Variants in ADAMTS16 observed in about 807,000 individuals in gnomAD.
The protein encoded by ADAMTS16 is A disintegrin and metalloproteinase with thrombospondin motifs 16.
A neutral mutation model predicts 145.8 loss-of-function variants in ADAMTS16; 94 were observed. The observed-to-expected ratio is 0.64, with a 90% CI of 0.55 to 0.77. The LOEUF (loss-of-function observed/expected upper bound fraction) is 0.77. Ranked by LOEUF, ADAMTS16 falls within the 30% of genes least tolerant of loss-of-function variation. The pLI is 0.00. For missense variants in ADAMTS16, 1,585 were observed against 1,591.5 expected, an observed-to-expected ratio of 1.00 and a Z score of 0.07; for synonymous variants, 659 against 604.3, an observed-to-expected ratio of 1.09 and a Z score of -1.33.
Position 5,140,721 on chromosome 5 carries a change from C to T in ADAMTS16, c.130C>T (p.Arg44Cys). The change falls in exon 2 of 23, where the codon CGT becomes TGT. Residue 44 changes from arginine to cysteine, a missense_variant. Physicochemically the swap from Arg to Cys is radical, Grantham distance 180. Around this residue, in one of 3 missense-constraint regions of ADAMTS16, gnomAD observed 453 missense variants for 412.1 expected, o/e 1.10. Transcript: ENST00000274181. ...AGCGCCTGGGAGCCCGAGCGTCCCG[C>T]GTCCTCCTCCACCCGCGGAGCGGCC... ...AAAPGSPSVP[R>C]PPPPAERPGW... is the part of the protein sequence containing the mutation. 6.4e-7 allele frequency: 1 copy of T among 1,570,564 alleles called. No homozygotes were observed. Among genetic ancestry groups the T allele is most frequent in the Non-Finnish European group, 8.6e-7 (1 of 1,159,764 alleles).
chr5:5,311,314 A>AC (rs1561005041), intron 21 of ADAMTS16, among the ~76,000 whole-genome samples: 12 of 99,138 alleles, frequency 1.2e-4, no homozygotes, highest in African/African-American at 4.5e-4. Flanking sequence ...AAAAAAAAAA[A>AC]AAACAAAAAA....
At chr5:5,289,479 C>T (rs185159889) in intron 18 of ADAMTS16, among the ~76,000 whole-genome samples, 131 of 152,328 alleles carry the variant, frequency 8.6e-4, no homozygotes, top group African/African-American at 2.7e-3. Flanking sequence ...ACAATGGGGT[C>T]ATTTGTCCTA....
At chr5:5,201,355 A>G (rs7446022) in intron 9 of ADAMTS16, among the ~76,000 whole-genome samples, 1 of 152,120 alleles carries the variant, frequency 6.6e-6, no homozygotes, top group Non-Finnish European at 1.5e-5. Context: ...AAATAAAAAT[A>G]TTTTTAAAAA....
chr5:5,283,992 C>A (rs1056437600), intron 18 of ADAMTS16, among the ~76,000 whole-genome samples: 4 of 152,076 alleles, frequency 2.6e-5, no homozygotes, highest in Admixed American at 6.6e-5. Context: ...CAAAAGATGT[C>A]TTATATTGTT....
Position 5,201,470 on chromosome 5 carries a change from A to G in ADAMTS16, c.1451+1201A>G, listed in dbSNP as rs914458450. On this transcript the variant is annotated intron_variant, in intron 9 of 22. Transcript: ENST00000274181. ...TTGTGATAGGAAAGTTTGAAATTTG[A>G]CAAGAAGAATTATATTTCTATTATT... 7.3e-5 allele frequency among the ~76,000 whole-genome samples: 5 copies of G among 68,890 alleles called. No homozygotes were observed. The East Asian group carries it at 3.0e-3, about 42-fold the overall frequency. 45.2% of individuals were successfully genotyped at this position (68,890 alleles called of 152,430 possible).
chr5:5,241,210 T>A (rs1737281304), intron 16 of ADAMTS16, among the ~76,000 whole-genome samples: 1 of 152,190 alleles, frequency 6.6e-6, no homozygotes, highest in Admixed American at 6.5e-5. Context: ...GCCTGTCAGG[T>A]GCAGGCATGG....
At chr5:5,280,114 T>A (rs1738847823) in intron 18 of ADAMTS16, among the ~76,000 whole-genome samples, 1 of 152,178 alleles carries the variant, frequency 6.6e-6, no homozygotes, top group African/African-American at 2.4e-5. Context: ...TTTGTGTGTG[T>A]TGATATCTTC....
At chr5:5,215,870 G>GTGTATATATATATATA (rs1260354840) in intron 10 of ADAMTS16, among the ~76,000 whole-genome samples, 1 of 101,638 alleles carries the variant, frequency 9.8e-6, no homozygotes, top group Non-Finnish European at 1.8e-5. Flanking sequence ...GTGTGTATGT[G>GTGTATATATATATATA]TATATATATA....
intron 3 of ADAMTS16, among the ~76,000 whole-genome samples, chr5:5,148,188 C>CT (rs1386231171): frequency 1.3e-5 from 2 of 152,206 alleles, no homozygotes; most frequent in African/African-American, 4.8e-5. Context: ...CTTCCAAATA[C>CT]TTGTAGTCCA....
intron 18 of ADAMTS16, among the ~76,000 whole-genome samples, chr5:5,276,116 C>T (rs1363667142): frequency 2.0e-5 from 3 of 151,692 alleles, no homozygotes; most frequent in Non-Finnish European, 4.4e-5. Flanking sequence ...ATCTTGGCCT[C>T]CCAAACTGCT....
In ADAMTS16 at chr5:5,191,666, T is replaced by C. The variant is rs1160191011; in HGVS notation, c.1208-19T>C. The C allele has an allele frequency of 6.3e-7, 1 of 1,591,582 alleles. No individual in the cohort carries two copies. The highest frequency in any genetic ancestry group is 8.6e-7 in the Non-Finnish European group (1 of 1,160,572). The stretch of plus-strand genomic sequence containing the variant: ...ATTACAACACCGCTATGTGTTCTTT[T>C]GATCTTTGTCCTTCACAGGATTTGC... On this transcript the variant is annotated intron_variant, in intron 7 of 22. Transcript: ENST00000274181.
intron 18 of ADAMTS16, among the ~76,000 whole-genome samples, chr5:5,278,921 A>G (rs1305881313): frequency 1.3e-5 from 2 of 152,224 alleles, no homozygotes; most frequent in Non-Finnish European, 2.9e-5. Flanking sequence ...CCAACCAAAC[A>G]AACAAAAAAA....
At chr5:5,190,728 C>CA (rs1735642189) in intron 7 of ADAMTS16, among the ~76,000 whole-genome samples, 1 of 152,106 alleles carries the variant, frequency 6.6e-6, no homozygotes, top group African/African-American at 2.4e-5. Context: ...TAAAAACTTT[C>CA]AGATAAAGCC....
Position 5,262,913 on chromosome 5 carries a change from G to T in ADAMTS16, c.2789+130G>T, listed in dbSNP as rs529601349. 47 of 1,346,788 alleles carry T rather than the reference G, an allele frequency of 3.5e-5. 1 individual carries two copies. The highest frequency in any genetic ancestry group is 1.6e-4 in the Admixed American group (7 of 44,268). The allele number at this position is 1,346,788 out of a possible 1,614,324, so 83.4% of individuals were successfully genotyped here. ...TCACTCATAACAGTGGAGAAGCAAA[G>T]GGGACAAGAGCTGCCTGGACAAGGG... On this transcript the variant is annotated intron_variant, in intron 18 of 22. Coordinates refer to ENST00000274181, the MANE Select transcript of ADAMTS16 (RefSeq NM_139056.4).
chr5:5,216,643 A>C (rs1579317567), intron 10 of ADAMTS16, among the ~76,000 whole-genome samples: 1 of 147,502 alleles, frequency 6.8e-6, no homozygotes, highest in Middle Eastern at 3.4e-3. Flanking sequence ...TTTAGGGTAC[A>C]TGTGCACATT....
intron 17 of ADAMTS16, among the ~76,000 whole-genome samples, chr5:5,261,740 G>A (rs1245472552): frequency 1.3e-5 from 2 of 152,022 alleles, no homozygotes; most frequent in South Asian, 2.1e-4. Flanking sequence ...CGCCTCGGCC[G>A]CCCAAAGTAT....
chr5:5,289,212 A>G, intron 18 of ADAMTS16, among the ~76,000 whole-genome samples: 1 of 152,040 alleles, frequency 6.6e-6, no homozygotes, highest in Non-Finnish European at 1.5e-5. Context: ...TAGAAAAAAA[A>G]GCTTAGTGCC....
At chr5:5,271,392 C>G (rs1161787852) in intron 18 of ADAMTS16, among the ~76,000 whole-genome samples, 4 of 152,230 alleles carry the variant, frequency 2.6e-5, no homozygotes, top group Non-Finnish European at 5.9e-5. Context: ...CTGTGGCTCC[C>G]GCTCCTTCCG....
intron 18 of ADAMTS16, among the ~76,000 whole-genome samples, chr5:5,281,802 G>A (rs1256368529): frequency 6.6e-6 from 1 of 152,158 alleles, no homozygotes; most frequent in Non-Finnish European, 1.5e-5. Flanking sequence ...ATATGAAAGT[G>A]TATTTCACAG....
Sources: allele counts gnomAD v4.1 joint callset (sites outside exome capture counted in the v4.1 genomes callset), GRCh38; gene constraint gnomAD v4.1.1; regional missense constraint gnomAD v4.1.1; transcripts MANE v1.5; gene names NCBI Gene and HGNC (gene_info 2026-07-23, HGNC 2026-07-21).